PRPF31: variants seen among roughly 807,000 people sequenced by gnomAD.
PRPF31 encodes pre-mRNA processing factor 31.
A neutral mutation model predicts 60.4 loss-of-function variants in PRPF31; 12 were observed. The observed-to-expected ratio is 0.20, with a 90% CI of 0.13 to 0.32. The LOEUF is 0.32. Among genes scored for constraint, PRPF31 ranks in the 10% least tolerant of loss-of-function variants. PRPF31 has a pLI of 1.00. For missense variants in PRPF31, 431 were observed against 687.1 expected (o/e 0.63, Z 4.17); for synonymous variants, 287 against 287.9 (o/e 1.00, Z 0.03).
Position 54,121,916 on chromosome 19 carries a change from C to T in PRPF31, c.295C>T (p.Leu99=). ...CCGCGTCATCGTGGATGCCAACAACCTGACCGTGGAGATCGAAAACGAGCT... is the reference window on the plus strand; with the variant it reads ...CCGCGTCATCGTGGATGCCAACAACTTGACCGTGGAGATCGAAAACGAGCT... ...EYRVIVDANN[L]TVEIENELNI... Residue 99 remains leucine, a synonymous_variant, in exon 4 of 14, where the codon CTG becomes TTG. Coordinates refer to ENST00000321030, the MANE Select transcript of PRPF31 (RefSeq NM_015629.4). 1.2e-6 allele frequency: 2 copies of T among 1,612,996 alleles called. No homozygotes were observed. The highest frequency in any genetic ancestry group is 1.7e-6 in the Non-Finnish European group (2 of 1,179,606).
intron 13 of PRPF31, 127 bp from the exon 14 acceptor site, chr19:54,131,180 A>T: frequency 7.4e-7 from 1 of 1,352,262 alleles, no homozygotes. Flanking sequence ...AACTCCAGGG[A>T]CAGGCAAACT....
rs1348819002 is a variant in PRPF31, at chr19:54,122,579, C to T, written c.405C>T (p.Tyr135=). Reference sequence around the variant, plus strand: ...CCTTGGTCCCCAATGCACTGGATTACATCCGCACGGTCAAGGTGAGCGCAG... The same window carrying T: ...CCTTGGTCCCCAATGCACTGGATTATATCCGCACGGTCAAGGTGAGCGCAG... ...LESLVPNALD[Y]IRTVKELGNS... The change falls in exon 5 of 14, where the codon TAC becomes TAT. Residue 135 remains tyrosine (Y), a synonymous_variant. Transcript: ENST00000321030. 2 of 1,614,036 alleles carry T rather than the reference C, an allele frequency of 1.2e-6. No homozygotes were observed. Among genetic ancestry groups the T allele is most frequent in the East Asian group, 2.2e-5 (1 of 44,886 alleles).
At chr19:54,127,926 A>G in intron 9 of PRPF31, 147 bp from the exon 10 acceptor site, 1 of 1,173,128 alleles carries the variant, frequency 8.5e-7, no homozygotes, top group South Asian at 1.4e-5. Flanking sequence ...AGTCAACACC[A>G]AGAAGAAAAA....
rs587617383 is a variant in PRPF31, at chr19:54,122,325, G to A, written c.323-172G>A. 3.9e-5 allele frequency: 29 copies of A among 751,470 alleles called. No individual in the cohort carries two copies. In the African/African-American group the frequency reaches 4.4e-4, roughly 11 times the overall value. The allele number at this position is 751,470 out of a possible 1,614,324, so 46.6% of individuals were successfully genotyped here. On this transcript the variant is annotated intron_variant, in intron 4 of 13. Transcript: ENST00000321030. ...TTTACAGACCAGAACTAATTCCCCT[G>A]GTCACACCTAGCGGTAAGGACGGCT...
At chr19:54,121,115 A>C (rs1363068232) in intron 3 of PRPF31, among the ~76,000 whole-genome samples, 1 of 152,018 alleles carries the variant, frequency 6.6e-6, no homozygotes. Context: ...AACATGGTGA[A>C]ACCCCGTCTC....
intron 11 of PRPF31, 122 bp downstream of exon 11, chr19:54,128,499 GCCTC>G: frequency 1.0e-6 from 1 of 968,450 alleles, no homozygotes; most frequent in Non-Finnish European, 1.6e-6. Flanking sequence ...CGCTGCCCCA[GCCTC>G]CCCCCCCCCG....
rs587627263 is a variant in PRPF31, at chr19:54,124,506, C to G, written c.705C>G (p.Ala235=). The G allele has an allele frequency of 6.2e-7, 1 of 1,605,430 alleles. No individual in the cohort carries two copies. ...CCCTCCCTCCCACCGCAGGTGTGGC[C>G]GGCGGCCTGACCAACCTCTCCAAGA... is the stretch of plus-strand genomic sequence containing the variant. ...ASTAAKIMGV[A]GGLTNLSKMP... Residue 235 remains alanine (A), a synonymous_variant, in exon 8 of 14, where the codon GCC becomes GCG. Transcript: ENST00000321030.
At position 54,118,681 on chromosome 19, in the gene PRPF31, C is replaced by G. The variant is rs587735995; in HGVS notation, c.238+48C>G. 6 of 1,597,520 alleles carry G rather than the reference C, an allele frequency of 3.8e-6. No individual in the cohort carries two copies. In the Admixed American group the frequency reaches 6.7e-5, roughly 18 times the overall value. ...CCTCCCCATCTCCTGTCTCTCCTGCCAGGCCCCCTGGCTCCCTGGCTGCTT... is the reference window on the plus strand; with the variant it reads ...CCTCCCCATCTCCTGTCTCTCCTGCGAGGCCCCCTGGCTCCCTGGCTGCTT... On this transcript the variant is annotated intron_variant, in intron 3 of 13. Coordinates refer to ENST00000321030, the MANE Select transcript of PRPF31 (RefSeq NM_015629.4).
In PRPF31 at chr19:54,123,809, G is replaced by C; in HGVS notation, c.588G>C (p.Glu196Asp). The C allele has an allele frequency of 6.2e-7, 1 of 1,613,250 alleles. No individual in the cohort carries two copies. Among genetic ancestry groups the C allele is most frequent in the Non-Finnish European group, 8.5e-7 (1 of 1,180,006 alleles). ...RLEEACDMALELNASKHRIYE... is the reference protein window; with the variant it reads ...RLEEACDMALDLNASKHRIYE... ...AGGAGGCCTGCGACATGGCGCTGGA[G>C]CTGAACGCCTCCAAGCACCGCATCT... Residue 196 changes from glutamate to aspartate, a missense_variant, in exon 7 of 14, where the codon GAG becomes GAC. Transcript: ENST00000321030.
At chr19:54,119,773 G>A (rs186023531) in intron 3 of PRPF31, 1 of 152,338 alleles carries the variant, frequency 6.6e-6, no homozygotes, top group Non-Finnish European at 1.5e-5. Flanking sequence ...TGGGATTACA[G>A]GCATGAGCCA....
chr19:54,120,722 C>G (rs2073764739), intron 3 of PRPF31, among the ~76,000 whole-genome samples: 1 of 152,194 alleles, frequency 6.6e-6, no homozygotes, highest in Non-Finnish European at 1.5e-5. Flanking sequence ...GCGTTCCTGC[C>G]TCAGCCTCCC....
chr19:54,121,801 G>T, intron 3 of PRPF31, 59 bp from the exon 4 acceptor site: 1 of 1,507,238 alleles, frequency 6.6e-7, no homozygotes. Flanking sequence ...CTCCAGCTGC[G>T]GGACCCGAGA....
chr19:54,131,577 A>G lies in PRPF31; in HGVS notation c.*145A>G, dbSNP rs996554746. 2 of 1,320,520 alleles carry G rather than the reference A, an allele frequency of 1.5e-6. No individual in the cohort carries two copies. Among genetic ancestry groups the G allele is most frequent in the South Asian group, 2.5e-5 (2 of 79,268 alleles). The allele number at this position is 1,320,520 out of a possible 1,614,324, so 81.8% of individuals were successfully genotyped here. A position where few individuals can be genotyped will look rare whatever the true frequency, so the allele number is the denominator to read the frequency against. On this transcript the variant is annotated 3_prime_UTR_variant, in exon 14 of 14. Coordinates refer to ENST00000321030, the MANE Select transcript of PRPF31 (RefSeq NM_015629.4). ...GACTGCCCAGGGAGGAGGCCTTGGAAGAGTCCGGCCTGGCCTCCCCCAGGA... is the reference window on the plus strand; with the variant it reads ...GACTGCCCAGGGAGGAGGCCTTGGAGGAGTCCGGCCTGGCCTCCCCCAGGA...
intron 8 of PRPF31, 98 bp downstream of exon 8, chr19:54,124,754 C>T (rs2073879681): frequency 3.6e-6 from 5 of 1,400,112 alleles, no homozygotes; most frequent in South Asian, 1.2e-5. Context: ...GCCCAGCTGA[C>T]GGTAGCACTC....
At position 54,131,489 on chromosome 19, in the gene PRPF31, T is replaced by C. The variant is rs2074046716; in HGVS notation, c.*57T>C. ...TGAAGGGACACAGAGGTCCAGTCCTTCTGAAGGGCTAGGATCGGGTTCTGG... is the reference window on the plus strand; with the variant it reads ...TGAAGGGACACAGAGGTCCAGTCCTCCTGAAGGGCTAGGATCGGGTTCTGG... On this transcript the variant is annotated 3_prime_UTR_variant, in exon 14 of 14. Transcript: ENST00000321030. 1 of 1,603,674 alleles carries C rather than the reference T, an allele frequency of 6.2e-7. No individual in the cohort carries two copies. Among genetic ancestry groups the C allele is most frequent in the Non-Finnish European group, 8.5e-7 (1 of 1,174,656 alleles).
At chr19:54,129,548 A>C (rs1422874686) in intron 13 of PRPF31, among the ~76,000 whole-genome samples, 178 bp downstream of exon 13, 2 of 148,852 alleles carry the variant, frequency 1.3e-5, no homozygotes, top group Non-Finnish European at 3.0e-5. Context: ...GTTAGCAGAG[A>C]CGAGAGCCCA....
chr19:54,123,323 G>C, intron 5 of PRPF31, 131 bp from the exon 6 acceptor site: 1 of 766,220 alleles, frequency 1.3e-6, no homozygotes, highest in Non-Finnish European at 2.4e-6. Flanking sequence ...GGAGGCAGGA[G>C]AGGCCCCCAG....
At chr19:54,124,773 G>C (rs1210009375) in intron 8 of PRPF31, 117 bp downstream of exon 8, 2 of 1,237,374 alleles carry the variant, frequency 1.6e-6, no homozygotes, top group Non-Finnish European at 2.3e-6. Flanking sequence ...TCAGGAGCTG[G>C]GAACAGGGTG....
rs587745301 is a variant in PRPF31 at position 54,115,817 on chromosome 19, C to T, written c.-9+20C>T. 9.4e-4 allele frequency: 202 copies of T among 215,098 alleles called. No homozygotes were observed. The highest frequency in any genetic ancestry group is 4.4e-3 in the African/African-American group (193 of 44,210). The allele number at this position is 215,098 out of a possible 1,614,324, so 13.3% of individuals were successfully genotyped here. A position where few individuals can be genotyped will look rare whatever the true frequency, so the allele number is the denominator to read the frequency against. ...GGAGAGGTGAGTGTGATGGGGACCA[C>T]GGGGAGCGGGAGGCTGGGCTCCTGG... On this transcript the variant is annotated intron_variant, in intron 1 of 13. Coordinates refer to ENST00000321030, the MANE Select transcript of PRPF31 (RefSeq NM_015629.4).
Sources: gnomAD v4.1 joint callset for allele counts (sites outside exome capture counted in the v4.1 genomes callset) on GRCh38, gnomAD v4.1.1 for gene constraint, MANE v1.5 for transcripts, NCBI Gene and HGNC (gene_info 2026-07-23, HGNC 2026-07-21) for gene names.